The following UTP6 variants were observed in gnomAD, a reference collection of about 807,000 sequenced individuals.
UTP6 encodes the protein UTP6 small subunit processome component, also known as U3 small nucleolar RNA-associated protein 6 homolog.
UTP6 carries 60 observed loss-of-function variants against 96.5 expected under a neutral mutation model. The ratio of observed to expected loss-of-function variants is 0.62; its 90% CI spans 0.51 to 0.77. The LOEUF is 0.77. UTP6 is among the 30% of genes least tolerant of loss of function. The probability of loss-of-function intolerance (pLI) is 0.00; values close to 1 mark genes in which losing one functional copy is unlikely to be tolerated. For synonymous variants in UTP6, 215 were observed against 240.1 expected (o/e 0.90, Z 0.96); for missense variants, 637 against 706.5 (o/e 0.90, Z 1.12).
chr17:31,868,803 T>C (rs989654610), intron 16 of UTP6, among the ~76,000 whole-genome samples: 1 of 152,170 alleles, frequency 6.6e-6, no homozygotes, highest in Non-Finnish European at 1.5e-5. Flanking sequence ...ACAGTATTAC[T>C]GTGGCCAAAA....
chr17:31,868,749 G>A (rs746846083), intron 16 of UTP6, among the ~76,000 whole-genome samples: 1 of 152,120 alleles, frequency 6.6e-6, no homozygotes, highest in Non-Finnish European at 1.5e-5. Flanking sequence ...CTAAGGAAAT[G>A]ATTTCTAATA....
chr17:31,894,536 T>G, intron 4 of UTP6, 109 bp downstream of exon 4: 1 of 758,744 alleles, frequency 1.3e-6, no homozygotes, highest in South Asian at 1.8e-5. Flanking sequence ...TTAGAGTAAG[T>G]ATAAAGATAC....
intron 13 of UTP6, 69 bp from the exon 14 acceptor site, chr17:31,875,482 T>C: frequency 1.3e-6 from 2 of 1,525,722 alleles, no homozygotes; most frequent in Non-Finnish European, 8.9e-7. Context: ...AATGTAAACC[T>C]ATGCCTCATT....
intron 17 of UTP6, 109 bp from the exon 18 acceptor site, chr17:31,865,547 G>T: frequency 2.8e-6 from 3 of 1,058,818 alleles, no homozygotes. Flanking sequence ...GAAGGGAAGA[G>T]TTTAACATGA....
rs1911044462 is a variant in UTP6 at position 31,884,592 on chromosome 17, T to C, written c.704-87A>G. 17 of 1,008,290 alleles carry C rather than the reference T, an allele frequency of 1.7e-5. No individual in the cohort carries two copies. The South Asian group carries it at 2.1e-4, about 13-fold the overall frequency. The allele number at this position is 1,008,290 out of a possible 1,614,324, so 62.5% of individuals were successfully genotyped here. The stretch of plus-strand genomic sequence containing the variant: ...GTAGCATTCTTTTCATGTACTGGAG[T>C]TAATCTTCTTGTTTTTTGAAATGAG... On this transcript the variant is annotated intron_variant, in intron 9 of 18. Transcript: ENST00000261708.
chr17:31,889,496 T>A (rs1911348709), intron 6 of UTP6, 93 bp from the exon 7 acceptor site: 56 of 145,220 alleles, frequency 3.9e-4, no homozygotes, highest in Non-Finnish European at 6.1e-4. Context: ...ACTCGCACAA[T>A]TTTTTTTTTT....
At chr17:31,896,711 A>C (rs543417734) in intron 2 of UTP6, among the ~76,000 whole-genome samples, 4 of 151,432 alleles carry the variant, frequency 2.6e-5, no homozygotes, top group African/African-American at 9.7e-5. Context: ...ATCATGGCTC[A>C]CTACAGCTTC....
Position 31,875,419 on chromosome 17 carries a change from C to T in UTP6, c.1126-6G>A. 1.9e-6 allele frequency: 3 copies of T among 1,610,664 alleles called. No individual in the cohort carries two copies. The highest frequency in any genetic ancestry group is 2.2e-5 in the East Asian group (1 of 44,832). Reference sequence around the variant, plus strand: ...TAACACAGCAACGAAACACTCTAGACAAGATGAAGGATGACTGGAAAATTA... The same window carrying T: ...TAACACAGCAACGAAACACTCTAGATAAGATGAAGGATGACTGGAAAATTA... On this transcript the variant is annotated splice_region_variant and splice_polypyrimidine_tract_variant and intron_variant, in intron 13 of 18. Coordinates refer to ENST00000261708, the MANE Select transcript of UTP6 (RefSeq NM_018428.3).
chr17:31,872,505 C>CAA (rs1264145141), intron 16 of UTP6, among the ~76,000 whole-genome samples: 1 of 128,886 alleles, frequency 7.8e-6, no homozygotes, highest in African/African-American at 2.8e-5. Context: ...CAGTCTCTAC[C>CAA]AAAAAAAAAA....
In UTP6 at chr17:31,898,457, G is replaced by A. The variant is rs140133436; in HGVS notation, c.177+1189C>T. On this transcript the variant is annotated intron_variant, in intron 2 of 18. Coordinates refer to ENST00000261708, the MANE Select transcript of UTP6 (RefSeq NM_018428.3). ...AGATAACTGCTTGAACCCAGGAAGC[G>A]GAGGTTGCAGTGAGCCGAGATCGCA... Among the ~76,000 whole-genome samples the A allele has an allele frequency of 4.5e-3, 677 of 152,056 alleles. 9 individuals carry two copies. The highest frequency in any genetic ancestry group is 0.014 in the African/African-American group (599 of 41,478).
At chr17:31,892,144 A>G in intron 6 of UTP6, 116 bp downstream of exon 6, 2 of 1,139,084 alleles carry the variant, frequency 1.8e-6, no homozygotes, top group Admixed American at 4.4e-5. Context: ...GCTGAGGCCA[A>G]CTGCCTAAGC....
At chr17:31,879,019 T>C (rs1910664978) in intron 11 of UTP6, among the ~76,000 whole-genome samples, 1 of 152,154 alleles carries the variant, frequency 6.6e-6, no homozygotes, top group African/African-American at 2.4e-5. Context: ...AATATAAAAA[T>C]TGAAAGCCTT....
intron 17 of UTP6, 41 bp from the exon 18 acceptor site, chr17:31,865,479 T>C: frequency 6.3e-7 from 1 of 1,584,332 alleles, no homozygotes; most frequent in South Asian, 1.1e-5. Context: ...GCCTGATTTA[T>C]AACATAACAA....
At chr17:31,890,524 A>G (rs930481646) in intron 6 of UTP6, among the ~76,000 whole-genome samples, 1 of 151,756 alleles carries the variant, frequency 6.6e-6, no homozygotes, top group African/African-American at 2.4e-5. Context: ...AGACTGAGGC[A>G]GAAGGATCAC....
chr17:31,891,914 T>A (rs561527969), intron 6 of UTP6, among the ~76,000 whole-genome samples: 1 of 152,242 alleles, frequency 6.6e-6, no homozygotes, highest in Non-Finnish European at 1.5e-5. Flanking sequence ...TCCCACCTAC[T>A]CAGGAGGCTA....
At chr17:31,883,805 T>C (rs898826557) in intron 10 of UTP6, among the ~76,000 whole-genome samples, 9 of 150,912 alleles carry the variant, frequency 6.0e-5, no homozygotes, top group Non-Finnish European at 7.4e-5. Context: ...GCCTCCAGAG[T>C]AGGTAGGACC....
intron 18 of UTP6, among the ~76,000 whole-genome samples, chr17:31,864,789 C>CTT (rs796908868): frequency 2.8e-4 from 41 of 144,608 alleles, no homozygotes; most frequent in African/African-American, 1.0e-3. Flanking sequence ...TACCCAGTTA[C>CTT]TTTTTTTTTT....
intron 11 of UTP6, among the ~76,000 whole-genome samples, chr17:31,879,363 C>T (rs1161307971): frequency 6.6e-6 from 1 of 152,020 alleles, no homozygotes; most frequent in Non-Finnish European, 1.5e-5. Flanking sequence ...GTACTCCAGC[C>T]TGGGCAACAG....
At chr17:31,871,508 G>C (rs2142293402) in intron 16 of UTP6, among the ~76,000 whole-genome samples, 1 of 152,194 alleles carries the variant, frequency 6.6e-6, no homozygotes, top group African/African-American at 2.4e-5. Context: ...AGCCCTTTGG[G>C]AGGCCAAGGC....
Sources: gnomAD v4.1 joint callset for allele counts (sites outside exome capture counted in the v4.1 genomes callset) on GRCh38, gnomAD v4.1.1 for gene constraint, MANE v1.5 for transcripts, NCBI Gene and HGNC (gene_info 2026-07-23, HGNC 2026-07-21) for gene names.